The following PUM2 variants were observed in gnomAD, a reference collection of about 807,000 sequenced individuals.
PUM2 encodes pumilio RNA binding family member 2, also known as pumilio homolog 2.
PUM2 carries 57 observed loss-of-function variants against 124.5 expected under a neutral mutation model. The observed-to-expected ratio is 0.46, with a 90% CI of 0.37 to 0.57. The LOEUF is 0.57. PUM2 is among the 20% of genes least tolerant of loss of function. PUM2 has a pLI of 0.00. For missense variants in PUM2, 1,065 were observed against 1,290.6 expected (o/e 0.83, Z 2.68); for synonymous variants, 460 against 446.1 (o/e 1.03, Z -0.39).
rs182194434 is a variant in PUM2, at chr2:20,280,801, C to T, written c.1721-1982G>A. 4.5e-4 allele frequency among the ~76,000 whole-genome samples: 68 copies of T among 152,116 alleles called. 1 individual carries two copies. In the East Asian group the frequency reaches 7.7e-3, roughly 17 times the overall value. On this transcript the variant is annotated intron_variant, in intron 12 of 20. Transcript: ENST00000361078. The stretch of plus-strand genomic sequence containing the variant: ...GGTAGACAGACTGCTAATCATTCAT[C>T]GACTGTGAAAAAAGGCTAAATTATA...
Position 20,346,974 on chromosome 2 carries a change from T to C in PUM2, c.-19+3623A>G, listed in dbSNP as rs538593712. Among the ~76,000 whole-genome samples the C allele has an allele frequency of 3.3e-4, 50 of 152,312 alleles. No individual in the cohort carries two copies. The South Asian group carries it at 1.0e-2, about 30-fold the overall frequency. Reference sequence around the variant, plus strand: ...TCTAACACTTCAATTACCTCCCTTCTCCTTTTACACTTCATGCTACTTCTT... The same window carrying C: ...TCTAACACTTCAATTACCTCCCTTCCCCTTTTACACTTCATGCTACTTCTT... On this transcript the variant is annotated intron_variant, in intron 1 of 20. Coordinates refer to ENST00000361078, the MANE Select transcript of PUM2 (RefSeq NM_015317.5).
At chr2:20,265,519 C>T (rs10182834) in intron 13 of PUM2, among the ~76,000 whole-genome samples, 5,277 of 152,280 alleles carry the variant, frequency 0.035, 86 homozygotes, top group Middle Eastern at 0.068. Flanking sequence ...CACATCTGCA[C>T]AGCCACTGGG....
At chr2:20,304,248 C>T (rs1374161741) in intron 7 of PUM2, among the ~76,000 whole-genome samples, 1 of 152,048 alleles carries the variant, frequency 6.6e-6, no homozygotes, top group Non-Finnish European at 1.5e-5. Context: ...GGCTTTATTC[C>T]CAATTTACCC....
intron 1 of PUM2, among the ~76,000 whole-genome samples, chr2:20,337,388 C>T (rs887554811): frequency 6.6e-6 from 1 of 152,120 alleles, no homozygotes; most frequent in African/African-American, 2.4e-5. Context: ...CTTTGAAATA[C>T]TCCTTCAAAA....
intron 1 of PUM2, among the ~76,000 whole-genome samples, chr2:20,336,543 G>A (rs1686068866): frequency 6.6e-6 from 1 of 151,610 alleles, no homozygotes; most frequent in African/African-American, 2.4e-5. Context: ...AAGAGACAGG[G>A]TCTTGCTCTG....
At chr2:20,304,732 G>A (rs1465612948) in intron 7 of PUM2, among the ~76,000 whole-genome samples, 1 of 152,164 alleles carries the variant, frequency 6.6e-6, no homozygotes, top group African/African-American at 2.4e-5. Flanking sequence ...TATATTCAAA[G>A]CTGACTTGAG....
At chr2:20,306,577 C>T (rs1306731275) in intron 7 of PUM2, among the ~76,000 whole-genome samples, 7 of 149,066 alleles carry the variant, frequency 4.7e-5, no homozygotes, top group African/African-American at 9.9e-5. Flanking sequence ...GTACATGCTG[C>T]GACTGGCACT....
chr2:20,331,392 T>C (rs1684876958), intron 1 of PUM2, among the ~76,000 whole-genome samples: 1 of 152,160 alleles, frequency 6.6e-6, no homozygotes, highest in Non-Finnish European at 1.5e-5. Flanking sequence ...GTTACTGTTA[T>C]CCTAATAGCT....
At position 20,260,353 on chromosome 2, in the gene PUM2, A is replaced by G. The variant is rs770419072; in HGVS notation, c.2339T>C (p.Ile780Thr). Reference sequence around the variant, plus strand: ...AATCCTTACCTCAAAAAACTTCTGTATAACATAGTTGCCAAAAACATCAGT... The same window carrying G: ...AATCCTTACCTCAAAAAACTTCTGTGTAACATAGTTGCCAAAAACATCAGT... ...LMTDVFGNYVIQKFFEFGSLD... is the reference protein window; with the variant it reads ...LMTDVFGNYVTQKFFEFGSLD... The change falls in exon 15 of 21, where the codon ATA (isoleucine) becomes ACA (threonine). Residue 780 changes from isoleucine to threonine, a missense_variant. Physicochemically the swap from Ile to Thr is moderately conservative, Grantham distance 89 (BLOSUM62 -1). Transcript: ENST00000361078. 6.2e-7 allele frequency: 1 copy of G among 1,612,182 alleles called. No individual in the cohort carries two copies. Among genetic ancestry groups the G allele is most frequent in the African/African-American group, 1.3e-5 (1 of 74,874 alleles).
At position 20,255,302 on chromosome 2, in the gene PUM2, T is replaced by C; in HGVS notation, c.2662A>G (p.Ile888Val). The change falls in exon 18 of 21, where the codon ATT (isoleucine) becomes GTT (valine). Residue 888 changes from isoleucine to valine, a missense_variant. Around this residue, in one of 3 missense-constraint regions of PUM2, gnomAD observed 968 missense variants for 1,159.8 expected, o/e 0.83. Transcript: ENST00000361078. ...LSTHPYGCRVIQRILEHCTAE... is the reference protein window; with the variant it reads ...LSTHPYGCRVVQRILEHCTAE... ...GTGCAATGCTCTAGGATGCGCTGAA[T>C]TACTCTGCAGCCATAAGGATGAGTT... 1 of 1,611,758 alleles carries C rather than the reference T, an allele frequency of 6.2e-7. No individual in the cohort carries two copies. The highest frequency in any genetic ancestry group is 8.5e-7 in the Non-Finnish European group (1 of 1,178,038).
intron 17 of PUM2, 106 bp downstream of exon 17, chr2:20,255,927 T>TATACAAAAATAGG: frequency 1.8e-6 from 2 of 1,131,398 alleles, no homozygotes; most frequent in Non-Finnish European, 2.4e-6. Flanking sequence ...CCTATTTTTG[T>TATACAAAAATAGG]ATACAATTGC....
chr2:20,299,967 A>AT (rs1410273478), intron 7 of PUM2, among the ~76,000 whole-genome samples: 1 of 152,170 alleles, frequency 6.6e-6, no homozygotes, highest in East Asian at 1.9e-4. Context: ...TTGGGTTGTG[A>AT]TAAGAGGTTG....
chr2:20,321,147 A>G (rs1242137509), intron 2 of PUM2, among the ~76,000 whole-genome samples: 5 of 152,130 alleles, frequency 3.3e-5, no homozygotes, highest in African/African-American at 1.2e-4. Context: ...TTTAAAATGC[A>G]AATTGCAGCA....
intron 14 of PUM2, among the ~76,000 whole-genome samples, chr2:20,260,767 T>C (rs1666004591): frequency 6.6e-6 from 1 of 152,152 alleles, no homozygotes; most frequent in South Asian, 2.1e-4. Flanking sequence ...TTATTTTTCA[T>C]AATATACAAT....
intron 10 of PUM2, among the ~76,000 whole-genome samples, chr2:20,289,903 C>T (rs1277048291): frequency 6.6e-6 from 1 of 151,992 alleles, no homozygotes; most frequent in African/African-American, 2.4e-5. Context: ...CACTGATATA[C>T]CAAAAGTGAA....
chr2:20,315,663 C>CA (rs1320535488), intron 3 of PUM2, among the ~76,000 whole-genome samples: 4 of 151,824 alleles, frequency 2.6e-5, no homozygotes, highest in Admixed American at 2.0e-4. Context: ...TTCAACACCT[C>CA]AAAAAATCTT....
chr2:20,257,054 A>C (rs1286300335), intron 16 of PUM2, among the ~76,000 whole-genome samples: 4 of 72,834 alleles, frequency 5.5e-5, no homozygotes, highest in South Asian at 4.4e-4. Flanking sequence ...AAAAAAAAAA[A>C]AAAAAAAAAA....
At chr2:20,254,763 C>CTACT in intron 19 of PUM2, 100 bp downstream of exon 19, 1 of 1,221,568 alleles carries the variant, frequency 8.2e-7, no homozygotes. Flanking sequence ...AAAAAAAAGA[C>CTACT]TACAGTTTAA....
chr2:20,287,412 G>A (rs1672997807), intron 10 of PUM2, among the ~76,000 whole-genome samples: 1 of 151,946 alleles, frequency 6.6e-6, no homozygotes, highest in South Asian at 2.1e-4. Context: ...GAGAAGGATA[G>A]TTAATCACAA....
Sources: gnomAD v4.1 joint callset for allele counts (sites outside exome capture counted in the v4.1 genomes callset) on GRCh38, gnomAD v4.1.1 for gene constraint, gnomAD v4.1.1 regional missense constraint, MANE v1.5 for transcripts, NCBI Gene and HGNC (gene_info 2026-07-23, HGNC 2026-07-21) for gene names.